SLC38A9: variants seen among roughly 807,000 people sequenced by gnomAD.
The protein encoded by SLC38A9 is solute carrier family 38 member 9.
A neutral mutation model predicts 62.3 loss-of-function variants in SLC38A9; 48 were observed. That is an observed-to-expected ratio of 0.77 (90% CI 0.61 to 0.98). SLC38A9 has a LOEUF of 0.98. SLC38A9 is among the 50% of genes least tolerant of loss of function. SLC38A9 has a pLI of 0.00. For missense variants in SLC38A9, 541 were observed against 679.8 expected (o/e 0.80, Z 2.27); for synonymous variants, 204 against 227.7 (o/e 0.90, Z 0.94).
intron 12 of SLC38A9, among the ~76,000 whole-genome samples, chr5:55,644,924 G>A (rs1746070901): frequency 6.7e-6 from 1 of 150,318 alleles, no homozygotes; most frequent in South Asian, 2.1e-4. Flanking sequence ...GTGTCCATGT[G>A]TTCTCATTGT....
intron 1 of SLC38A9, among the ~76,000 whole-genome samples, chr5:55,711,944 T>C (rs1007745793): frequency 1.3e-5 from 2 of 152,170 alleles, no homozygotes; most frequent in East Asian, 1.9e-4. Context: ...CCGACTCCCA[T>C]AGACACTCGG....
At chr5:55,711,967 C>T (rs879672638) in intron 1 of SLC38A9, among the ~76,000 whole-genome samples, 1 of 152,178 alleles carries the variant, frequency 6.6e-6, no homozygotes, top group East Asian at 1.9e-4. Flanking sequence ...TTCCTCAGAC[C>T]CCGAGGGACT....
intron 3 of SLC38A9, 36 bp downstream of exon 3, chr5:55,697,810 C>T (rs1399292422): frequency 2.8e-6 from 3 of 1,074,508 alleles, no homozygotes; most frequent in African/African-American, 3.2e-5. Context: ...CATTAAAGAC[C>T]CTAATTATGA....
At chr5:55,679,236 A>AT (rs1005939664) in intron 3 of SLC38A9, among the ~76,000 whole-genome samples, 30 of 149,820 alleles carry the variant, frequency 2.0e-4, no homozygotes, top group South Asian at 1.9e-3. Flanking sequence ...TAAGATTGTT[A>AT]TTTTTTTTTT....
intron 8 of SLC38A9, 47 bp downstream of exon 8, chr5:55,664,646 T>C (rs1750159158): frequency 2.0e-6 from 2 of 1,022,886 alleles, no homozygotes; most frequent in East Asian, 5.6e-5. Context: ...ACAGTGGTAA[T>C]AGTATTTGAA....
chr5:55,657,113 G>A (rs965896790), intron 8 of SLC38A9, among the ~76,000 whole-genome samples: 1 of 151,904 alleles, frequency 6.6e-6, no homozygotes, highest in Non-Finnish European at 1.5e-5. Flanking sequence ...CACCCACCTC[G>A]GCCTCCCAAA....
At chr5:55,691,418 G>A (rs1248711010) in intron 3 of SLC38A9, 3 of 1,162,168 alleles carry the variant, frequency 2.6e-6, no homozygotes, top group Non-Finnish European at 3.3e-6. Context: ...GGCATACAGA[G>A]AAGGATATGA....
chr5:55,663,966 T>C (rs1274393086), intron 8 of SLC38A9, among the ~76,000 whole-genome samples: 3 of 152,136 alleles, frequency 2.0e-5, no homozygotes, highest in African/African-American at 7.2e-5. Context: ...TTAGGTTTAG[T>C]GAAAACTTTA....
intron 14 of SLC38A9, 127 bp from the exon 15 acceptor site, chr5:55,628,107 T>A: frequency 1.6e-6 from 1 of 620,830 alleles, no homozygotes; most frequent in Non-Finnish European, 2.8e-6. Context: ...CTTGATAAAA[T>A]CACAGCAAAA....
At chr5:55,700,357 A>G (rs1756481918) in intron 2 of SLC38A9, among the ~76,000 whole-genome samples, 2 of 130,580 alleles carry the variant, frequency 1.5e-5, no homozygotes, top group African/African-American at 5.5e-5. Context: ...AAATAAAACA[A>G]GCCAAAAAAA....
intron 4 of SLC38A9, among the ~76,000 whole-genome samples, chr5:55,671,502 C>CTTTTTTTTTTTTTTTTTTT (rs145470405): frequency 1.4e-5 from 2 of 144,352 alleles, no homozygotes; most frequent in African/African-American, 5.1e-5. Context: ...GTTTCCCATT[C>CTTTTTTTTTTTTTTTTTTT]TTCTTTTTTT....
Position 55,660,749 on chromosome 5 carries a change from A to C in SLC38A9, c.697+3944T>G, listed in dbSNP as rs1032428121. The stretch of plus-strand genomic sequence containing the variant: ...TCCTACAGATAAAGCATATATATGC[A>C]TACAGTTCATAAAGAGATTTACAGT... On this transcript the variant is annotated intron_variant, in intron 8 of 15. Transcript: ENST00000396865. Among the ~76,000 whole-genome samples, 5 of 152,296 alleles carry C rather than the reference A, an allele frequency of 3.3e-5. No homozygotes were observed. The South Asian group carries it at 1.0e-3, about 32-fold the overall frequency.
At chr5:55,678,178 C>T (rs1350050815) in intron 3 of SLC38A9, among the ~76,000 whole-genome samples, 2 of 132,428 alleles carry the variant, frequency 1.5e-5, no homozygotes, top group Admixed American at 1.7e-4. Flanking sequence ...TTCTGTCTTG[C>T]CCAGGATGGA....
intron 14 of SLC38A9, among the ~76,000 whole-genome samples, chr5:55,629,453 T>C (rs1580054469): frequency 6.6e-6 from 1 of 152,244 alleles, no homozygotes; most frequent in East Asian, 1.9e-4. Context: ...GAACATTAAT[T>C]TTGCTAAATC....
chr5:55,709,032 A>G (rs1757664768), intron 2 of SLC38A9, among the ~76,000 whole-genome samples: 1 of 152,232 alleles, frequency 6.6e-6, no homozygotes, highest in Non-Finnish European at 1.5e-5. Flanking sequence ...AACAGCTATA[A>G]ACTCCAATAA....
chr5:55,635,446 G>A (rs1254187786), intron 13 of SLC38A9, 98 bp downstream of exon 13: 1 of 848,236 alleles, frequency 1.2e-6, no homozygotes, highest in South Asian at 1.4e-5. Context: ...TTAAAACCCA[G>A]GCCTATCTGA....
intron 12 of SLC38A9, among the ~76,000 whole-genome samples, chr5:55,645,544 TCATAA>T (rs1746189941): frequency 6.6e-6 from 1 of 152,242 alleles, no homozygotes; most frequent in Non-Finnish European, 1.5e-5. Flanking sequence ...ATGGCTGCTT[TCATAA>T]CATAACAGCA....
intron 14 of SLC38A9, among the ~76,000 whole-genome samples, chr5:55,632,167 G>C (rs1436166492): frequency 6.6e-6 from 1 of 152,212 alleles, no homozygotes; most frequent in Non-Finnish European, 1.5e-5. Flanking sequence ...GCCGGGTGCA[G>C]TGGCTCACGC....
chr5:55,666,041 A>G (rs139194598), intron 7 of SLC38A9, among the ~76,000 whole-genome samples: 1,607 of 152,344 alleles, frequency 0.011, 25 homozygotes, highest in African/African-American at 0.037. Context: ...ACCTAGGGCA[A>G]TGATTATGCA....
Sources: gnomAD v4.1 joint callset for allele counts (sites outside exome capture counted in the v4.1 genomes callset) on GRCh38, gnomAD v4.1.1 for gene constraint, MANE v1.5 for transcripts, NCBI Gene and HGNC (gene_info 2026-07-23, HGNC 2026-07-21) for gene names.